The following QKI variants were observed in gnomAD, a reference collection of about 807,000 sequenced individuals.
QKI encodes the protein QKI, KH domain containing RNA binding, also known as KH domain-containing RNA-binding protein QKI.
In QKI, 10 loss-of-function variants were observed where a neutral mutation model predicts 39.0. That is an observed-to-expected ratio of 0.26 (90% CI 0.16 to 0.43). The LOEUF (loss-of-function observed/expected upper bound fraction) is 0.43, where lower values mean the gene tolerates loss of function less well. Among genes scored for constraint, QKI ranks in the 20% least tolerant of loss-of-function variants. The pLI, the probability that QKI is intolerant of heterozygous loss-of-function variation, is 1.00. For missense variants in QKI, 218 were observed against 428.0 expected, an observed-to-expected ratio of 0.51 and a Z score of 4.33; for synonymous variants, 204 against 155.4, an observed-to-expected ratio of 1.31 and a Z score of -2.33.
intron 2 of QKI, among the ~76,000 whole-genome samples, chr6:163,463,406 T>C (rs1261843158): frequency 6.6e-6 from 1 of 152,160 alleles, no homozygotes; most frequent in Non-Finnish European, 1.5e-5. Flanking sequence ...AGCCCAGAAG[T>C]TGGCTCATAC....
In QKI at chr6:163,568,530, A is replaced by G. The variant is rs527702547; in HGVS notation, c.1009+1735A>G. ...TTTTTTAGTAACAGAGTACTCGTAT[A>G]CTTATCACTGTATGCACTCATTGGG... On this transcript the variant is annotated intron_variant, in intron 7 of 7. Coordinates refer to ENST00000361752, the MANE Select transcript of QKI (RefSeq NM_006775.3). The G allele has an allele frequency of 3.1e-6, 3 of 983,096 alleles. No individual in the cohort carries two copies. In the African/African-American group the frequency reaches 5.2e-5, roughly 17 times the overall value. The allele number at this position is 983,096 out of a possible 1,614,324, so 60.9% of individuals were successfully genotyped here.
intron 2 of QKI, among the ~76,000 whole-genome samples, chr6:163,472,983 G>A (rs1792318514): frequency 6.6e-6 from 1 of 152,082 alleles, no homozygotes; most frequent in Non-Finnish European, 1.5e-5. Flanking sequence ...CAGATTAAAC[G>A]AAGGAAGTAG....
In QKI at chr6:163,536,229, A is replaced by G. The variant is rs372045429; in HGVS notation, c.546+1104A>G. Among the ~76,000 whole-genome samples, 14 of 152,300 alleles carry G rather than the reference A, an allele frequency of 9.2e-5. No homozygotes were observed. In the East Asian group the frequency reaches 2.5e-3, roughly 27 times the overall value. On this transcript the variant is annotated intron_variant, in intron 4 of 7. Transcript: ENST00000361752. ...ATCTATATTTGTGTACTATTAAACCATGGAATCTTTCTCATTTTCCTTAAT... is the reference window on the plus strand; with the variant it reads ...ATCTATATTTGTGTACTATTAAACCGTGGAATCTTTCTCATTTTCCTTAAT...
intron 6 of QKI, chr6:163,564,484 A>G: frequency 7.0e-7 from 1 of 1,425,734 alleles, no homozygotes; most frequent in Non-Finnish European, 9.1e-7. Flanking sequence ...TCCTAGTCAT[A>G]TTAAACATGA....
rs931811248 is a variant in QKI at position 163,567,310 on chromosome 6, A to G, written c.1009+515A>G. 8.1e-6 allele frequency: 8 copies of G among 985,744 alleles called. No homozygotes were observed. In the South Asian group the frequency reaches 2.8e-4, roughly 35 times the overall value. 61.1% of individuals were successfully genotyped at this position (985,744 alleles called of 1,614,324 possible). On this transcript the variant is annotated intron_variant, in intron 7 of 7. Coordinates refer to ENST00000361752, the MANE Select transcript of QKI (RefSeq NM_006775.3). ...TATAAACATGAGGGTGCACATGTCA[A>G]GTACTTAGCTAAAATCAACAAAGTG...
chr6:163,496,326 C>T (rs1778405246), intron 3 of QKI, among the ~76,000 whole-genome samples: 1 of 152,124 alleles, frequency 6.6e-6, no homozygotes, highest in Non-Finnish European at 1.5e-5. Flanking sequence ...TGAATTAACC[C>T]ATCTAGTCCT....
Position 163,438,116 on chromosome 6 carries a change from T to C in QKI, c.143-17163T>C, listed in dbSNP as rs567681957. 8.5e-4 allele frequency among the ~76,000 whole-genome samples: 129 copies of C among 152,270 alleles called. 1 individual carries two copies. The highest frequency in any genetic ancestry group is 3.9e-3 in the South Asian group (19 of 4,820). On this transcript the variant is annotated intron_variant, in intron 1 of 7. Coordinates refer to ENST00000361752, the MANE Select transcript of QKI (RefSeq NM_006775.3). ...TTTTGCTATGTATAGTAGATCTACA[T>C]GTGAGAAGTCATTTGCAAACAGCAT...
chr6:163,518,499 C>G (rs759506412), intron 3 of QKI, among the ~76,000 whole-genome samples: 10 of 152,120 alleles, frequency 6.6e-5, no homozygotes, highest in Non-Finnish European at 5.9e-5. Flanking sequence ...GAGCCACAGA[C>G]TCATTTCTAA....
chr6:163,566,415 A>T (rs1256419240), intron 6 of QKI: 7 of 1,243,624 alleles, frequency 5.6e-6, no homozygotes, highest in African/African-American at 1.5e-5. Flanking sequence ...TTCAGTGAAT[A>T]TGTGACTAGT....
intron 1 of QKI, among the ~76,000 whole-genome samples, chr6:163,452,766 T>A (rs929453030): frequency 1.3e-5 from 2 of 152,208 alleles, no homozygotes; most frequent in African/African-American, 4.8e-5. Flanking sequence ...TTGCTCTTGT[T>A]GCCCGGGCTG....
At chr6:163,559,394 C>T (rs934827475) in intron 4 of QKI, among the ~76,000 whole-genome samples, 2 of 151,902 alleles carry the variant, frequency 1.3e-5, no homozygotes, top group African/African-American at 4.8e-5. Flanking sequence ...AAATTTGAAA[C>T]TTTTGATAAG....
intron 1 of QKI, among the ~76,000 whole-genome samples, chr6:163,438,495 A>G (rs1445217863): frequency 6.6e-6 from 1 of 152,202 alleles, no homozygotes; most frequent in African/African-American, 2.4e-5. Context: ...ATAGCCTACT[A>G]CACACCTCAG....
chr6:163,494,008 A>G (rs912582025), intron 3 of QKI, among the ~76,000 whole-genome samples: 21 of 152,164 alleles, frequency 1.4e-4, no homozygotes, highest in Non-Finnish European at 2.8e-4. Context: ...TACATGCAGA[A>G]TAATTACAAG....
chr6:163,460,156 G>T (rs1016375971), intron 2 of QKI, among the ~76,000 whole-genome samples: 1 of 152,132 alleles, frequency 6.6e-6, no homozygotes. Context: ...AGATTAGATT[G>T]GTAAACTGCT....
At chr6:163,485,614 G>A (rs897088082) in intron 3 of QKI, among the ~76,000 whole-genome samples, 3 of 152,192 alleles carry the variant, frequency 2.0e-5, no homozygotes, top group African/African-American at 7.2e-5. Context: ...AGCCATGCTT[G>A]TGGGTTCCTC....
At chr6:163,525,645 G>A (rs757461580) in intron 3 of QKI, among the ~76,000 whole-genome samples, 9 of 152,036 alleles carry the variant, frequency 5.9e-5, no homozygotes, top group Non-Finnish European at 1.2e-4. Context: ...GATTACAGGC[G>A]TGAGCCACCA....
At position 163,414,962 on chromosome 6, in the gene QKI, G is replaced by A. The variant is rs1192994311; in HGVS notation, c.-232G>A. The A allele has an allele frequency of 5.1e-6, 1 of 194,572 alleles. No homozygotes were observed. Among genetic ancestry groups the A allele is most frequent in the African/African-American group, 2.4e-5 (1 of 41,716 alleles). 12.1% of individuals were successfully genotyped at this position (194,572 alleles called of 1,614,324 possible). A position where few individuals can be genotyped will look rare whatever the true frequency, so the allele number is the denominator to read the frequency against. On this transcript the variant is annotated 5_prime_UTR_variant, in exon 1 of 8. Coordinates refer to ENST00000361752, the MANE Select transcript of QKI (RefSeq NM_006775.3). ...GGGACGCGCCGAGCCGGGCGGCCGA[G>A]AGCGGCGGCGGCTGGGAGCGCGTCG...
At chr6:163,566,283 G>A (rs1783358945) in intron 6 of QKI, 2 of 1,220,116 alleles carry the variant, frequency 1.6e-6, no homozygotes, top group Non-Finnish European at 2.0e-6. Flanking sequence ...CAATCTGTAG[G>A]CTTTAAGAAT....
chr6:163,479,024 G>T (rs769972075), intron 3 of QKI, 128 bp downstream of exon 3: 16 of 698,272 alleles, frequency 2.3e-5, no homozygotes, highest in East Asian at 6.2e-5. Context: ...GGTGGCTCAC[G>T]CCTGTAATCC....
Sources: allele counts gnomAD v4.1 joint callset (sites outside exome capture counted in the v4.1 genomes callset), GRCh38; gene constraint gnomAD v4.1.1; transcripts MANE v1.5; gene names NCBI Gene and HGNC (gene_info 2026-07-23, HGNC 2026-07-21).